ZC3HAV1: variants seen among roughly 807,000 people sequenced by gnomAD.
ZC3HAV1 encodes zinc finger CCCH-type containing, antiviral 1, also known as zinc finger CCCH-type antiviral protein 1.
A neutral mutation model predicts 86.6 loss-of-function variants in ZC3HAV1; 41 were observed. That is an observed-to-expected ratio of 0.47 (90% CI 0.37 to 0.61). The LOEUF (loss-of-function observed/expected upper bound fraction) is 0.61. Ranked by LOEUF, ZC3HAV1 falls within the 20% of genes least tolerant of loss-of-function variation. The probability of loss-of-function intolerance (pLI) is 0.00; values close to 1 mark genes in which losing one functional copy is unlikely to be tolerated. For missense variants in ZC3HAV1, 964 were observed against 1,141.1 expected, an observed-to-expected ratio of 0.84 and a Z score of 2.24; for synonymous variants, 421 against 432.1, an observed-to-expected ratio of 0.97 and a Z score of 0.32.
At chr7:139,094,108 C>T (rs1326296692) in intron 1 of ZC3HAV1, among the ~76,000 whole-genome samples, 1 of 152,116 alleles carries the variant, frequency 6.6e-6, no homozygotes, top group Non-Finnish European at 1.5e-5. Flanking sequence ...CAGGCCCCAT[C>T]CCAGACATCC....
At chr7:139,060,184 T>A (rs1816403369) in intron 9 of ZC3HAV1, among the ~76,000 whole-genome samples, 1 of 152,198 alleles carries the variant, frequency 6.6e-6, no homozygotes, top group Admixed American at 6.5e-5. Flanking sequence ...GACTTCATAG[T>A]TATTTATCTT....
intron 1 of ZC3HAV1, among the ~76,000 whole-genome samples, chr7:139,101,766 G>A (rs1042834191): frequency 6.6e-6 from 1 of 151,582 alleles, no homozygotes; most frequent in South Asian, 2.1e-4. Context: ...AATGGATTAA[G>A]GGCGGTGCAA....
At chr7:139,082,922 A>G (rs976866722) in intron 3 of ZC3HAV1, among the ~76,000 whole-genome samples, 1 of 152,114 alleles carries the variant, frequency 6.6e-6, no homozygotes, top group Admixed American at 6.5e-5. Flanking sequence ...TAAATTATAC[A>G]TAGTTTTGCA....
chr7:139,058,793 G>A (rs1026876239), intron 9 of ZC3HAV1, among the ~76,000 whole-genome samples: 6 of 152,092 alleles, frequency 3.9e-5, no homozygotes, highest in African/African-American at 1.4e-4. Context: ...TCTTGAGATC[G>A]ACAATGGCTG....
Position 139,105,361 on chromosome 7 carries a change from G to A in ZC3HAV1, c.308+3663C>T, listed in dbSNP as rs572074833. Among the ~76,000 whole-genome samples the A allele has an allele frequency of 8.5e-5, 13 of 152,312 alleles. No individual in the cohort carries two copies. In the South Asian group the frequency reaches 2.3e-3, roughly 27 times the overall value. ...TGGGACTTAAAATACTACCTTAGGA[G>A]CTATCCTAAAGACTAACCTGGATAT... On this transcript the variant is annotated intron_variant, in intron 1 of 12. Transcript: ENST00000242351.
At chr7:139,103,871 T>C (rs1817849409) in intron 1 of ZC3HAV1, among the ~76,000 whole-genome samples, 1 of 152,114 alleles carries the variant, frequency 6.6e-6, no homozygotes, top group Non-Finnish European at 1.5e-5. Flanking sequence ...TGAATAAAAA[T>C]TCTAAAACAC....
chr7:139,106,508 G>A (rs1046940697), intron 1 of ZC3HAV1, among the ~76,000 whole-genome samples: 2 of 152,144 alleles, frequency 1.3e-5, no homozygotes, highest in African/African-American at 4.8e-5. Context: ...CAGCTACTTG[G>A]GAGTCTGAGG....
chr7:139,084,733 T>G (rs1817227861), intron 2 of ZC3HAV1, among the ~76,000 whole-genome samples: 1 of 152,226 alleles, frequency 6.6e-6, no homozygotes, highest in Non-Finnish European at 1.5e-5. Context: ...AAAAACCAAG[T>G]TGTTAAGCAG....
chr7:139,054,410 C>T (rs76620321), intron 10 of ZC3HAV1, among the ~76,000 whole-genome samples: 4,269 of 152,244 alleles, frequency 0.028, 131 homozygotes, highest in African/African-American at 0.075. Context: ...AGGTGCCATG[C>T]AGTCCAAGCA....
Position 139,047,203 on chromosome 7 carries a change from C to T in ZC3HAV1, c.*391G>A. Reference sequence around the variant, plus strand: ...AATTAGCTGGGCGCGGCAGTGTGTGCCTGTAGTTCCAGCTACTCGGGAGGC... The same window carrying T: ...AATTAGCTGGGCGCGGCAGTGTGTGTCTGTAGTTCCAGCTACTCGGGAGGC... On this transcript the variant is annotated 3_prime_UTR_variant, in exon 13 of 13. Coordinates refer to ENST00000242351, the MANE Select transcript of ZC3HAV1 (RefSeq NM_020119.4). 4.1e-6 allele frequency: 1 copy of T among 241,372 alleles called. No individual in the cohort carries two copies. The allele number at this position is 241,372 out of a possible 1,614,324, so 15.0% of individuals were successfully genotyped here.
At position 139,109,233 on chromosome 7, in the gene ZC3HAV1, A is replaced by G; in HGVS notation, c.99T>C (p.Ser33=). 6.2e-7 allele frequency: 1 copy of G among 1,611,364 alleles called. No homozygotes were observed. The highest frequency in any genetic ancestry group is 8.5e-7 in the Non-Finnish European group (1 of 1,179,052). The change falls in exon 1 of 13, where the codon TCT becomes TCC. Residue 33 remains serine, a synonymous_variant. Coordinates refer to ENST00000242351, the MANE Select transcript of ZC3HAV1 (RefSeq NM_020119.4). Reference sequence around the variant, plus strand: ...GCAGCACCTCACAGAGCTGCGGCTCAGACAGCGCGATCTCCTGGAGCAGCG... The same window carrying G: ...GCAGCACCTCACAGAGCTGCGGCTCGGACAGCGCGATCTCCTGGAGCAGCG... ...LDALLQEIAL[S]EPQLCEVLQV...
At chr7:139,079,250 G>A (rs1408106365) in intron 4 of ZC3HAV1, 10 of 1,536,748 alleles carry the variant, frequency 6.5e-6, no homozygotes, top group Non-Finnish European at 8.7e-6. Flanking sequence ...GCTGACTTGT[G>A]CAGGGGCAGT....
chr7:139,106,432 G>A (rs368928886), intron 1 of ZC3HAV1, among the ~76,000 whole-genome samples: 1 of 152,042 alleles, frequency 6.6e-6, no homozygotes, highest in Non-Finnish European at 1.5e-5. Flanking sequence ...GGCCAACATC[G>A]CGAAACCCCA....
In ZC3HAV1 at chr7:139,047,821, G is replaced by A. The variant is rs1002919032; in HGVS notation, c.2482C>T (p.His828Tyr). 3 of 1,612,164 alleles carry A rather than the reference G, an allele frequency of 1.9e-6. No individual in the cohort carries two copies. The African/African-American group carries it at 4.0e-5, about 22-fold the overall frequency. Residue 828 changes from histidine (H) to tyrosine (Y), a missense_variant, in exon 13 of 13, where the codon CAC becomes TAC. Transcript: ENST00000242351. ...IYFAKDAIYS[H>Y]KNCPYDAKNV... ...TTGGCATCATACGGGCAATTTTTGT[G>A]GGAATAGATGGCATCTTTTGCAAAG...
intron 1 of ZC3HAV1, among the ~76,000 whole-genome samples, chr7:139,097,503 C>T (rs1397078631): frequency 1.4e-5 from 2 of 142,888 alleles, no homozygotes; most frequent in African/African-American, 2.6e-5. Context: ...GGCGCGATCT[C>T]GGCTTATTGC....
chr7:139,075,578 C>G (rs995603902), intron 6 of ZC3HAV1, among the ~76,000 whole-genome samples: 1 of 152,040 alleles, frequency 6.6e-6, no homozygotes, highest in Non-Finnish European at 1.5e-5. Context: ...TAGCTGGGAC[C>G]ACAGGTGCGT....
At chr7:139,097,101 G>A (rs952213561) in intron 1 of ZC3HAV1, among the ~76,000 whole-genome samples, 6 of 151,662 alleles carry the variant, frequency 4.0e-5, no homozygotes, top group Admixed American at 1.3e-4. Flanking sequence ...TCGTGCCACT[G>A]CACTCCGGCC....
chr7:139,048,753 CTTTG>C (rs1203993505), intron 12 of ZC3HAV1, among the ~76,000 whole-genome samples: 3 of 152,030 alleles, frequency 2.0e-5, no homozygotes, highest in Non-Finnish European at 2.9e-5. Context: ...TTCCCATCTA[CTTTG>C]TTTTTGTTCT....
At chr7:139,101,166 G>A (rs1201976498) in intron 1 of ZC3HAV1, among the ~76,000 whole-genome samples, 2 of 152,132 alleles carry the variant, frequency 1.3e-5, no homozygotes, top group East Asian at 2.0e-4. Flanking sequence ...CCAGGCTGGA[G>A]TGCAGTGGTG....
Sources: allele counts gnomAD v4.1 joint callset (sites outside exome capture counted in the v4.1 genomes callset), GRCh38; gene constraint gnomAD v4.1.1; transcripts MANE v1.5; gene names NCBI Gene and HGNC (gene_info 2026-07-23, HGNC 2026-07-21).